Variants in LPAR1 observed in about 807,000 individuals in gnomAD.
The protein encoded by LPAR1 is lysophosphatidic acid receptor 1.
A neutral mutation model predicts 23.8 loss-of-function variants in LPAR1; 5 were observed. The ratio of observed to expected loss-of-function variants is 0.21; its 90% CI spans 0.11 to 0.44. The LOEUF is 0.44. LPAR1 is among the 20% of genes least tolerant of loss of function. The pLI is 0.99. For missense variants in LPAR1, 311 were observed against 482.8 expected (o/e 0.64, Z 3.33); for synonymous variants, 160 against 164.7 (o/e 0.97, Z 0.22).
chr9:110,906,304 T>A (rs2134109644), intron 5 of LPAR1, among the ~76,000 whole-genome samples: 1 of 152,296 alleles, frequency 6.6e-6, no homozygotes, highest in Non-Finnish European at 1.5e-5. Flanking sequence ...GTGTAATGTG[T>A]TTCATTAAAA....
intron 2 of LPAR1, among the ~76,000 whole-genome samples, chr9:111,025,061 AC>A (rs2141258503): frequency 6.6e-6 from 1 of 152,290 alleles, no homozygotes; most frequent in African/African-American, 2.4e-5. Flanking sequence ...TTGGATATAT[AC>A]CCAGTAATGG....
intron 2 of LPAR1, among the ~76,000 whole-genome samples, chr9:111,031,393 T>TAAA (rs56906013): frequency 4.8e-5 from 5 of 103,740 alleles, no homozygotes; most frequent in African/African-American, 7.4e-5. Context: ...CCCATTTCTT[T>TAAA]AAAAAAAAAA....
chr9:110,927,093 G>A (rs530206167), intron 5 of LPAR1, among the ~76,000 whole-genome samples: 8 of 152,310 alleles, frequency 5.3e-5, no homozygotes, highest in South Asian at 4.1e-4. Flanking sequence ...GAAGTCCTTC[G>A]TGGTACAGAT....
chr9:110,936,303 C>T (rs2094702749), intron 5 of LPAR1, among the ~76,000 whole-genome samples: 1 of 152,172 alleles, frequency 6.6e-6, no homozygotes, highest in Non-Finnish European at 1.5e-5. Context: ...AGGACAGTAG[C>T]CAAATTAAAT....
intron 5 of LPAR1, among the ~76,000 whole-genome samples, chr9:110,917,994 C>G (rs556485842): frequency 1.3e-5 from 2 of 152,318 alleles, no homozygotes; most frequent in South Asian, 4.1e-4. Flanking sequence ...CCTCCACCTA[C>G]AGGCCTCATG....
rs1186318362 is a variant in LPAR1 at position 110,959,170 on chromosome 9, C to CAAA, written c.45+12900_45+12902dup. Among the ~76,000 whole-genome samples, 8 of 81,154 alleles carry CAAA rather than the reference C, an allele frequency of 9.9e-5. 1 individual carries two copies. The highest frequency in any genetic ancestry group is 1.8e-4 in the Non-Finnish European group (8 of 44,394). 53.2% of individuals were successfully genotyped at this position (81,154 alleles called of 152,430 possible). On this transcript the variant is annotated intron_variant, in intron 4 of 5. Transcript: ENST00000683809. ...AAAAAACAGTATGAAGATGTCTCTA[C>CAAA]AAAAAAAAAAAAAAACCACTAAAAC...
chr9:111,038,646 C>G (rs2097946323), upstream of LPAR1: 1 of 455,420 alleles, frequency 2.2e-6, no homozygotes, highest in Admixed American at 2.4e-5. The surrounding 1 kb of genome is among the most constrained non-coding windows in gnomAD (Gnocchi z 4.4). Flanking sequence ...AAGCTGGACC[C>G]CTTACCTGGT....
intron 5 of LPAR1, among the ~76,000 whole-genome samples, chr9:110,879,844 G>C (rs1034671392): frequency 7.9e-5 from 12 of 152,246 alleles, no homozygotes; most frequent in Non-Finnish European, 1.6e-4. Flanking sequence ...GACTCCATGA[G>C]ATGGATGAGA....
At chr9:110,921,908 A>G (rs2093655620) in intron 5 of LPAR1, among the ~76,000 whole-genome samples, 1 of 152,248 alleles carries the variant, frequency 6.6e-6, no homozygotes, top group African/African-American at 2.4e-5. Context: ...TGTAGAATTT[A>G]GAACACATCA....
intron 5 of LPAR1, among the ~76,000 whole-genome samples, chr9:110,877,702 G>T (rs2079486773): frequency 6.6e-6 from 1 of 152,156 alleles, no homozygotes; most frequent in Admixed American, 6.5e-5. Context: ...ATTCTTTCAA[G>T]TTTCCTTTCC....
At chr9:110,995,981 A>C (rs1412166085) in intron 2 of LPAR1, among the ~76,000 whole-genome samples, 1 of 152,166 alleles carries the variant, frequency 6.6e-6, no homozygotes, top group Non-Finnish European at 1.5e-5. Context: ...TTTTTTAATA[A>C]ACTATGAGGA....
At chr9:110,951,669 G>C (rs1390544415) in intron 4 of LPAR1, among the ~76,000 whole-genome samples, 1 of 152,124 alleles carries the variant, frequency 6.6e-6, no homozygotes, top group African/African-American at 2.4e-5. Context: ...CAGTGCTAGT[G>C]AAAGTAAAAT....
chr9:110,954,701 A>C (rs1042101124), intron 4 of LPAR1, among the ~76,000 whole-genome samples: 65 of 152,164 alleles, frequency 4.3e-4, no homozygotes, highest in Non-Finnish European at 7.1e-4. Context: ...AAGGAGGAAA[A>C]AAACAAACAA....
intron 5 of LPAR1, among the ~76,000 whole-genome samples, chr9:110,885,435 A>G (rs1165672902): frequency 6.6e-6 from 1 of 152,232 alleles, no homozygotes; most frequent in Non-Finnish European, 1.5e-5. Context: ...AGATAATTAC[A>G]TGGGGAGAGA....
chr9:110,936,844 AG>A (rs1395951414), intron 5 of LPAR1, among the ~76,000 whole-genome samples: 1 of 152,164 alleles, frequency 6.6e-6, no homozygotes. Context: ...CCTGGACAGA[AG>A]TGTCATCACA....
chr9:110,929,748 G>T (rs2094279292), intron 5 of LPAR1, among the ~76,000 whole-genome samples: 1 of 146,170 alleles, frequency 6.8e-6, no homozygotes, highest in Non-Finnish European at 1.5e-5. Context: ...GTGTGTTATA[G>T]TTGCCAGATA....
At position 110,922,797 on chromosome 9, in the gene LPAR1, C is replaced by A. The variant is rs75071286; in HGVS notation, c.793+18624G>T. Among the ~76,000 whole-genome samples, 1,036 of 147,840 alleles carry A rather than the reference C, an allele frequency of 7.0e-3. 11 individuals carry two copies. The highest frequency in any genetic ancestry group is 0.024 in the African/African-American group (969 of 40,254). On this transcript the variant is annotated intron_variant, in intron 5 of 5. Transcript: ENST00000683809. ...AGTAAAGGATCTCAGCAGTGAGTTG[C>A]ATATCTGTTTTCAAGGTCTTATTAT...
At chr9:110,909,729 G>GTATTTATTTATTTATT (rs56693702) in intron 5 of LPAR1, among the ~76,000 whole-genome samples, 2,485 of 147,860 alleles carry the variant, frequency 0.017, 36 homozygotes, top group African/African-American at 0.04. Flanking sequence ...ATTAAATAAA[G>GTATTTATTTATTTATT]TATTTATTTA....
intron 2 of LPAR1, among the ~76,000 whole-genome samples, chr9:110,991,618 GTTGTTT>G (rs1482154724): frequency 6.8e-4 from 103 of 150,522 alleles, no homozygotes; most frequent in African/African-American, 2.2e-3. Context: ...TGTTGTTGTT[GTTGTTT>G]TTTGGGACAG....
Sources: allele counts gnomAD v4.1 joint callset (sites outside exome capture counted in the v4.1 genomes callset), GRCh38; gene constraint gnomAD v4.1.1; non-coding constraint Gnocchi (gnomAD v3.1); transcripts MANE v1.5; gene names NCBI Gene and HGNC (gene_info 2026-07-23, HGNC 2026-07-21).